Variants in RASA2 observed in about 807,000 individuals in gnomAD.
The protein encoded by RASA2 is RAS p21 protein activator 2, also known as ras GTPase-activating protein 2.
RASA2 carries 155 observed loss-of-function variants against 118.2 expected under a neutral mutation model. The ratio of observed to expected loss-of-function variants is 1.31; its 90% CI spans 1.15 to 1.50. RASA2 has a LOEUF of 1.50. RASA2 is among the 40% of genes most tolerant of loss of function. The probability of loss-of-function intolerance (pLI) is 0.00; values close to 1 mark genes in which losing one functional copy is unlikely to be tolerated. For synonymous variants in RASA2, 353 were observed against 349.1 expected (o/e 1.01, Z -0.12); for missense variants, 1,016 against 1,009.6 (o/e 1.01, Z -0.09).
rs2083603642 is a variant in RASA2, at chr3:141,609,538, T to G, written c.2329+15T>G. 1 of 1,502,748 alleles carries G rather than the reference T, an allele frequency of 6.7e-7. No homozygotes were observed. Among genetic ancestry groups the G allele is most frequent in the Non-Finnish European group, 9.2e-7 (1 of 1,085,848 alleles). The allele number at this position is 1,502,748 out of a possible 1,614,324, so 93.1% of individuals were successfully genotyped here. ...GAAGATGGAAGGTAAATACACAATC[T>G]ATTTTTATATAACCATAATCTTTCA... On this transcript the variant is annotated intron_variant, in intron 22 of 23. Transcript: ENST00000286364.
At chr3:141,583,360 G>T (rs1332283535) in intron 17 of RASA2, among the ~76,000 whole-genome samples, 2 of 152,146 alleles carry the variant, frequency 1.3e-5, no homozygotes, top group Non-Finnish European at 2.9e-5. Context: ...AGGAGGTAGA[G>T]GTTGCAGTGA....
At chr3:141,542,392 T>G (rs2082417962) in intron 5 of RASA2, among the ~76,000 whole-genome samples, 1 of 152,192 alleles carries the variant, frequency 6.6e-6, no homozygotes, top group Non-Finnish European at 1.5e-5. Context: ...CTTGCCATAA[T>G]TTGGTAGATA....
At chr3:141,598,838 A>C (rs2083416175) in intron 19 of RASA2, among the ~76,000 whole-genome samples, 1 of 152,162 alleles carries the variant, frequency 6.6e-6, no homozygotes, top group Non-Finnish European at 1.5e-5. Flanking sequence ...TAATCCCAGC[A>C]CTTTGGGAGG....
intron 1 of RASA2, among the ~76,000 whole-genome samples, chr3:141,498,692 G>A (rs982180048): frequency 1.3e-5 from 2 of 151,770 alleles, no homozygotes; most frequent in Non-Finnish European, 2.9e-5. Flanking sequence ...TCCTATTTTG[G>A]CCCCCTGGAT....
rs746311719 is a variant in RASA2 at position 141,558,900 on chromosome 3, T to C, written c.699T>C (p.Ser233=). ...TTTGTTTACAGGTAACCAGATCCAG[T>C]AGTTACACCAGAAAGTCCCAGTTCC... ...EIFYFEVTRS[S]SYTRKSQFQV... Residue 233 remains serine, a synonymous_variant, in exon 8 of 24, where the codon AGT becomes AGC. Coordinates refer to ENST00000286364, the MANE Select transcript of RASA2 (RefSeq NM_006506.5). 1 of 1,603,104 alleles carries C rather than the reference T, an allele frequency of 6.2e-7. No individual in the cohort carries two copies. The highest frequency in any genetic ancestry group is 1.7e-5 in the Admixed American group (1 of 59,918).
chr3:141,532,626 A>G (rs962093767), intron 4 of RASA2, among the ~76,000 whole-genome samples: 7 of 152,200 alleles, frequency 4.6e-5, no homozygotes, highest in Non-Finnish European at 7.4e-5. Flanking sequence ...ATTATTTTTG[A>G]AAAGAGTTTA....
At chr3:141,594,992 G>A (rs961172591) in intron 19 of RASA2, among the ~76,000 whole-genome samples, 1 of 152,076 alleles carries the variant, frequency 6.6e-6, no homozygotes, top group Non-Finnish European at 1.5e-5. Context: ...CACAAAGGAA[G>A]GGGGTGGAGT....
chr3:141,529,402 T>G (rs2082227071), intron 3 of RASA2, among the ~76,000 whole-genome samples: 1 of 152,208 alleles, frequency 6.6e-6, no homozygotes, highest in Admixed American at 6.5e-5. Context: ...ATGAGTGTAC[T>G]CTGGGTAAAA....
rs778990407 is a variant in RASA2, at chr3:141,558,885, G to T, written c.685-1G>T. 2 of 1,591,880 alleles carry T rather than the reference G, an allele frequency of 1.3e-6. No homozygotes were observed. ...TTTTTACTAAAATATTTTGTTTACA[G>T]GTAACCAGATCCAGTAGTTACACCA... On this transcript the variant is annotated splice_acceptor_variant, in intron 7 of 23. Transcript: ENST00000286364. LOFTEE classifies it high-confidence loss of function.
intron 5 of RASA2, among the ~76,000 whole-genome samples, chr3:141,543,876 C>CTTTTTTTTTTTTTTTT (rs529631210): frequency 3.8e-4 from 44 of 117,310 alleles, no homozygotes; most frequent in Non-Finnish European, 4.5e-4. Flanking sequence ...TTTCTTTTTT[C>CTTTTTTTTTTTTTTTT]TTTTTTTTTT....
intron 1 of RASA2, among the ~76,000 whole-genome samples, chr3:141,508,669 C>T (rs1052112758): frequency 5.3e-5 from 8 of 152,260 alleles, no homozygotes; most frequent in East Asian, 3.9e-4. Flanking sequence ...ATGACCACTG[C>T]GCCCAGCCTG....
At chr3:141,503,775 TA>T (rs1252735553) in intron 1 of RASA2, among the ~76,000 whole-genome samples, 1 of 152,218 alleles carries the variant, frequency 6.6e-6, no homozygotes, top group African/African-American at 2.4e-5. Context: ...TGTCATATCC[TA>T]GCAGCTTAGT....
chr3:141,507,514 C>A (rs2081887191), intron 1 of RASA2, among the ~76,000 whole-genome samples: 1 of 152,008 alleles, frequency 6.6e-6, no homozygotes, highest in Non-Finnish European at 1.5e-5. Context: ...CTTTTAGATG[C>A]CTGTCTTAGA....
chr3:141,553,323 A>C (rs986156945), intron 5 of RASA2, among the ~76,000 whole-genome samples: 3 of 152,192 alleles, frequency 2.0e-5, no homozygotes, highest in African/African-American at 7.2e-5. Flanking sequence ...TGTATTATCA[A>C]ACCGCAAAAT....
intron 9 of RASA2, among the ~76,000 whole-genome samples, chr3:141,568,229 A>C (rs192430240): frequency 6.6e-6 from 1 of 152,206 alleles, no homozygotes; most frequent in Admixed American, 6.5e-5. Flanking sequence ...ATCTATGAAA[A>C]GTAGTTTCAA....
chr3:141,594,016 C>T (rs894284942), intron 19 of RASA2, among the ~76,000 whole-genome samples: 3 of 151,964 alleles, frequency 2.0e-5, no homozygotes, highest in African/African-American at 4.8e-5. Context: ...CAGACGTGAA[C>T]GTTAAAGCCT....
chr3:141,595,197 GC>G (rs2107786826), intron 19 of RASA2, among the ~76,000 whole-genome samples: 1 of 152,202 alleles, frequency 6.6e-6, no homozygotes, highest in South Asian at 2.1e-4. Context: ...GAACAGAGGA[GC>G]AAAAATCAGA....
At position 141,586,741 on chromosome 3, in the gene RASA2, A is replaced by G. The variant is rs1310789619; in HGVS notation, c.1922A>G (p.His641Arg). 4 of 1,610,892 alleles carry G rather than the reference A, an allele frequency of 2.5e-6. No homozygotes were observed. The highest frequency in any genetic ancestry group is 3.4e-6 in the Non-Finnish European group (4 of 1,177,260). Residue 641 changes from histidine to arginine, a missense_variant, in exon 19 of 24, where the codon CAC (histidine) becomes CGC (arginine). Physicochemically the swap from His to Arg is conservative, Grantham distance 29. Transcript: ENST00000286364. ...FCLTSRELTY[H>R]KQPGKDAIYT... The stretch of plus-strand genomic sequence containing the variant: ...TTAACAAGCAGAGAGCTCACCTACC[A>G]CAAACAGCCAGGTAGTTGTGTTTAT...
intron 20 of RASA2, among the ~76,000 whole-genome samples, chr3:141,608,115 G>C (rs2083577204): frequency 6.6e-6 from 1 of 152,036 alleles, no homozygotes; most frequent in Non-Finnish European, 1.5e-5. Context: ...TTTGTCTTCT[G>C]CTCCCATTCA....
Sources: allele counts gnomAD v4.1 joint callset (sites outside exome capture counted in the v4.1 genomes callset), GRCh38; gene constraint gnomAD v4.1.1; transcripts MANE v1.5; gene names NCBI Gene and HGNC (gene_info 2026-07-23, HGNC 2026-07-21).